The following SLIT3 variants were observed in gnomAD, a reference collection of about 807,000 sequenced individuals.
SLIT3 encodes slit homolog 3 protein.
A neutral mutation model predicts 184.0 loss-of-function variants in SLIT3; 68 were observed. The observed-to-expected ratio is 0.37, with a 90% confidence interval of 0.30 to 0.45. The LOEUF is 0.45. Among genes scored for constraint, SLIT3 ranks in the 20% least tolerant of loss-of-function variants. SLIT3 has a pLI of 1.00. For missense variants in SLIT3, 1,707 were observed against 2,026.0 expected (o/e 0.84, Z 3.02); for synonymous variants, 831 against 828.6 (o/e 1.00, Z -0.05).
intron 4 of SLIT3, among the ~76,000 whole-genome samples, chr5:168,987,090 C>G (rs1755157182): frequency 6.6e-6 from 1 of 152,124 alleles, no homozygotes; most frequent in Non-Finnish European, 1.5e-5. Flanking sequence ...ACGGACTTGG[C>G]CAGCTTATTA....
chr5:168,982,490 C>A (rs1315111867), intron 4 of SLIT3, among the ~76,000 whole-genome samples: 2 of 152,168 alleles, frequency 1.3e-5, no homozygotes, highest in African/African-American at 4.8e-5. Flanking sequence ...TAATGTCTTA[C>A]AAATTAACCA....
chr5:169,064,093 G>T (rs1758267678), intron 4 of SLIT3, among the ~76,000 whole-genome samples: 1 of 152,158 alleles, frequency 6.6e-6, no homozygotes, highest in Admixed American at 6.5e-5. Flanking sequence ...CATTACAAAT[G>T]AACACCTTTC....
intron 4 of SLIT3, among the ~76,000 whole-genome samples, chr5:169,172,000 G>C (rs1762836324): frequency 6.6e-6 from 1 of 152,200 alleles, no homozygotes; most frequent in African/African-American, 2.4e-5. Context: ...TAGGCATGGA[G>C]GGGAAATGCC....
chr5:169,108,749 A>G (rs1353141420), intron 4 of SLIT3, among the ~76,000 whole-genome samples: 1 of 152,236 alleles, frequency 6.6e-6, no homozygotes, highest in African/African-American at 2.4e-5. Context: ...CCTCCCCCTC[A>G]TTGCACACTC....
intron 3 of SLIT3, among the ~76,000 whole-genome samples, chr5:169,242,662 T>C (rs1032511054): frequency 2.0e-5 from 3 of 152,176 alleles, no homozygotes; most frequent in Non-Finnish European, 4.4e-5. Context: ...AATGCCCATA[T>C]TGGGTTTTAC....
In SLIT3 at chr5:168,683,980, T is replaced by C; in HGVS notation, c.3672A>G (p.Pro1224=). ...RLVYDSLSSP[P]TTVYSVETVN... is the part of the protein sequence containing the mutation. ...GAGGCCCTTACCTGTACACTGTGGT[T>C]GGAGGGGAACTCAGGCTGTCATAGA... is the stretch of plus-strand genomic sequence containing the variant. Residue 1224 remains proline (P), a synonymous_variant, in exon 32 of 36, where the codon CCA becomes CCG. Transcript: ENST00000519560. 6.3e-7 allele frequency: 1 copy of C among 1,587,932 alleles called. No individual in the cohort carries two copies. The highest frequency in any genetic ancestry group is 1.1e-5 in the South Asian group (1 of 87,368).
intron 3 of SLIT3, among the ~76,000 whole-genome samples, chr5:169,218,058 G>T (rs1764504540): frequency 6.6e-6 from 1 of 152,176 alleles, no homozygotes; most frequent in Non-Finnish European, 1.5e-5. Context: ...TGCTTTGGAG[G>T]TCTCCGAGTA....
intron 1 of SLIT3, among the ~76,000 whole-genome samples, chr5:169,262,679 C>G (rs1481310020): frequency 6.6e-6 from 1 of 152,190 alleles, no homozygotes; most frequent in Non-Finnish European, 1.5e-5. Context: ...CAATTTCATT[C>G]CACAGCTCAA....
intron 4 of SLIT3, among the ~76,000 whole-genome samples, chr5:168,986,562 G>A (rs59922838): frequency 0.041 from 6,163 of 152,172 alleles, 159 homozygotes; most frequent in Non-Finnish European, 0.057. Flanking sequence ...ACCCCTGCAC[G>A]CTCTCTCCTT....
At chr5:168,968,131 C>CA (rs1763277790) in intron 4 of SLIT3, among the ~76,000 whole-genome samples, 1 of 152,090 alleles carries the variant, frequency 6.6e-6, no homozygotes, top group East Asian at 1.9e-4. Context: ...TTAAATATGC[C>CA]ATTCCTTCTC....
chr5:169,127,866 A>T (rs947367961), intron 4 of SLIT3, among the ~76,000 whole-genome samples: 1 of 152,098 alleles, frequency 6.6e-6, no homozygotes, highest in African/African-American at 2.4e-5. Context: ...TTTTTCCTCA[A>T]CCCCAAAATG....
At chr5:168,852,675 T>A (rs2938764) in intron 5 of SLIT3, among the ~76,000 whole-genome samples, 77,989 of 152,068 alleles carry the variant, frequency 0.51, 21,148 homozygotes, top group African/African-American at 0.69. Flanking sequence ...CCTTGAATTT[T>A]TTCACATTTC....
intron 18 of SLIT3, among the ~76,000 whole-genome samples, chr5:168,749,903 C>G (rs1274783162): frequency 6.6e-6 from 1 of 152,152 alleles, no homozygotes; most frequent in Non-Finnish European, 1.5e-5. Context: ...AGATTCACCC[C>G]GAGAGCCTTC....
chr5:169,048,928 C>T (rs1757721512), intron 4 of SLIT3, among the ~76,000 whole-genome samples: 1 of 152,138 alleles, frequency 6.6e-6, no homozygotes, highest in Admixed American at 6.6e-5. Context: ...ATGACCAGGC[C>T]AGAGCTTTGG....
intron 1 of SLIT3, among the ~76,000 whole-genome samples, chr5:169,256,569 C>T (rs1765966796): frequency 6.6e-6 from 1 of 152,192 alleles, no homozygotes; most frequent in African/African-American, 2.4e-5. Flanking sequence ...ACCAAAGTGA[C>T]CACTGTGTCT....
chr5:169,281,955 G>T (rs1767012553), intron 1 of SLIT3, among the ~76,000 whole-genome samples: 2 of 152,210 alleles, frequency 1.3e-5, no homozygotes, highest in Non-Finnish European at 2.9e-5. Context: ...AATCTAAGAA[G>T]AAGAGGTCAG....
rs533720447 is a variant in SLIT3 at position 168,697,323 on chromosome 5, G to A, written c.2943-892C>T. On this transcript the variant is annotated intron_variant, in intron 27 of 35. Coordinates refer to ENST00000519560, the MANE Select transcript of SLIT3 (RefSeq NM_003062.4). The stretch of plus-strand genomic sequence containing the variant: ...TGTCTCTAGAGTGTTAAATCTCTTG[G>A]ATAAAAACCTCAACTGCCTGCATCT... Among the ~76,000 whole-genome samples, 3 of 152,258 alleles carry A rather than the reference G, an allele frequency of 2.0e-5. No individual in the cohort carries two copies. In the South Asian group the frequency reaches 6.2e-4, roughly 32 times the overall value.
At chr5:169,269,404 G>A (rs1343377373) in intron 1 of SLIT3, among the ~76,000 whole-genome samples, 2 of 152,198 alleles carry the variant, frequency 1.3e-5, no homozygotes, top group East Asian at 3.9e-4. Context: ...TGACATGAGA[G>A]GCCTCAAACT....
intron 4 of SLIT3, among the ~76,000 whole-genome samples, chr5:169,095,858 T>C (rs1368550199): frequency 6.6e-6 from 1 of 152,224 alleles, no homozygotes; most frequent in African/African-American, 2.4e-5. Context: ...TCTGCCCAAG[T>C]ATCTTACATT....
Sources: gnomAD v4.1 joint callset for allele counts (sites outside exome capture counted in the v4.1 genomes callset) on GRCh38, gnomAD v4.1.1 for gene constraint, MANE v1.5 for transcripts, NCBI Gene and HGNC (gene_info 2026-07-23, HGNC 2026-07-21) for gene names.